UNC5D: variants seen among roughly 807,000 people sequenced by gnomAD.
The protein encoded by UNC5D is netrin receptor UNC5D.
A neutral mutation model predicts 105.4 loss-of-function variants in UNC5D; 39 were observed. That is an observed-to-expected ratio of 0.37 (90% CI 0.29 to 0.48). UNC5D has a LOEUF of 0.48. Among genes scored for constraint, UNC5D ranks in the 20% least tolerant of loss-of-function variants. UNC5D has a pLI of 0.98. For missense variants in UNC5D, 991 were observed against 1,202.4 expected (o/e 0.82, Z 2.60); for synonymous variants, 452 against 450.4 (o/e 1.00, Z -0.04).
At chr8:35,492,404 A>G (rs1234692866) in intron 1 of UNC5D, among the ~76,000 whole-genome samples, 3 of 152,148 alleles carry the variant, frequency 2.0e-5, no homozygotes, top group Admixed American at 6.6e-5. Flanking sequence ...AGGGAAATAT[A>G]AAGTTGCTAC....
In UNC5D at chr8:35,500,949, AGG is replaced by A. The variant is rs202163197; in HGVS notation, c.104-48342_104-48341del. Among the ~76,000 whole-genome samples, 984 of 108,824 alleles carry A rather than the reference AGG, an allele frequency of 9.0e-3. 3 individuals carry two copies. Among genetic ancestry groups the A allele is most frequent in the Admixed American group, 0.012 (105 of 8,894 alleles). The allele number at this position is 108,824 out of a possible 152,430, so 71.4% of individuals were successfully genotyped here. ...ATTGTTAAAATTCAAAGGAAATAGGAGGAAAGTAGCATTTAGAGTACCATGAT... is the reference window on the plus strand; with the variant it reads ...ATTGTTAAAATTCAAAGGAAATAGGAAAAGTAGCATTTAGAGTACCATGAT... On this transcript the variant is annotated intron_variant, in intron 1 of 16. Coordinates refer to ENST00000404895, the MANE Select transcript of UNC5D (RefSeq NM_080872.4).
At chr8:35,688,232 G>A (rs868158519) in intron 7 of UNC5D, among the ~76,000 whole-genome samples, 13 of 148,538 alleles carry the variant, frequency 8.8e-5, no homozygotes, top group South Asian at 6.4e-4. Context: ...ATTTCTCTGG[G>A]AAATATCCAG....
chr8:35,705,615 C>T (rs888671955), intron 7 of UNC5D, among the ~76,000 whole-genome samples: 1 of 152,124 alleles, frequency 6.6e-6, no homozygotes, highest in African/African-American at 2.4e-5. Context: ...AATAGAGTGA[C>T]AGGCTGAAAG....
intron 3 of UNC5D, among the ~76,000 whole-genome samples, chr8:35,583,357 GTGTGTGTGTGTGTGCA>G (rs1818577324): frequency 6.6e-6 from 1 of 151,364 alleles, no homozygotes; most frequent in Non-Finnish European, 1.5e-5. Context: ...AATCTCTAAA[GTGTGTGTGTGTGTGCA>G]TGTGTGTGTG....
intron 4 of UNC5D, among the ~76,000 whole-genome samples, chr8:35,613,367 T>C (rs1820817791): frequency 6.6e-6 from 1 of 152,226 alleles, no homozygotes. Context: ...GAGCTACCGC[T>C]CCTGGCCTCA....
chr8:35,428,708 C>A (rs567285586), intron 1 of UNC5D, among the ~76,000 whole-genome samples: 1 of 152,132 alleles, frequency 6.6e-6, no homozygotes, highest in East Asian at 1.9e-4. Context: ...CCTTGACCAG[C>A]AAGGACTTAT....
At chr8:35,430,479 A>C (rs976992804) in intron 1 of UNC5D, among the ~76,000 whole-genome samples, 1 of 152,178 alleles carries the variant, frequency 6.6e-6, no homozygotes, top group Admixed American at 6.5e-5. Context: ...ATTAAACCCA[A>C]GAAAGGGGTC....
intron 8 of UNC5D, among the ~76,000 whole-genome samples, chr8:35,711,043 AT>A (rs1181757603): frequency 2.4e-5 from 3 of 124,692 alleles, no homozygotes; most frequent in African/African-American, 1.3e-4. Flanking sequence ...GGTTCACGCC[AT>A]TCTCCTGCCT....
intron 9 of UNC5D, chr8:35,724,110 A>T: frequency 2.9e-6 from 4 of 1,387,024 alleles, no homozygotes; most frequent in Non-Finnish European, 3.7e-6. Flanking sequence ...GCAGGTGAGA[A>T]GGGTGGATCC....
intron 4 of UNC5D, among the ~76,000 whole-genome samples, chr8:35,599,718 A>G (rs1486719741): frequency 6.6e-6 from 1 of 152,082 alleles, no homozygotes; most frequent in Non-Finnish European, 1.5e-5. Flanking sequence ...AAACATTCCT[A>G]CCTGCTTTTT....
intron 1 of UNC5D, among the ~76,000 whole-genome samples, chr8:35,513,556 G>A (rs1812915637): frequency 6.6e-6 from 1 of 152,112 alleles, no homozygotes; most frequent in South Asian, 2.1e-4. Flanking sequence ...GCTATTCTAA[G>A]TTGCAATTCT....
intron 1 of UNC5D, among the ~76,000 whole-genome samples, chr8:35,257,409 C>A (rs1410780652): frequency 1.3e-5 from 2 of 152,138 alleles, no homozygotes; most frequent in Non-Finnish European, 2.9e-5. Flanking sequence ...CACTGGTCTG[C>A]CAGCAGGCAC....
intron 3 of UNC5D, among the ~76,000 whole-genome samples, chr8:35,592,287 C>T (rs769444135): frequency 6.6e-6 from 1 of 152,114 alleles, no homozygotes; most frequent in Non-Finnish European, 1.5e-5. Context: ...TAGAAATTAT[C>T]TAAAAATATG....
intron 1 of UNC5D, among the ~76,000 whole-genome samples, chr8:35,409,995 A>G (rs1033042001): frequency 8.3e-6 from 1 of 120,932 alleles, no homozygotes; most frequent in Non-Finnish European, 1.7e-5. Flanking sequence ...TCCTTTCTCC[A>G]TTGAATTTCC....
At chr8:35,746,168 T>C (rs954641174) in intron 11 of UNC5D, among the ~76,000 whole-genome samples, 3 of 152,194 alleles carry the variant, frequency 2.0e-5, no homozygotes, top group African/African-American at 7.2e-5. Context: ...AAGTACAATC[T>C]GGTCACTGAG....
chr8:35,406,571 C>A (rs1046092830), intron 1 of UNC5D, among the ~76,000 whole-genome samples: 1 of 152,082 alleles, frequency 6.6e-6, no homozygotes, highest in Non-Finnish European at 1.5e-5. Context: ...AAGACAGTAC[C>A]AGCTTCAGCT....
chr8:35,726,639 C>A (rs1828894430), intron 10 of UNC5D, 110 bp downstream of exon 10: 1 of 1,488,334 alleles, frequency 6.7e-7, no homozygotes, highest in East Asian at 2.3e-5. Context: ...CCTCATCAGA[C>A]CTGCAAACAC....
intron 4 of UNC5D, among the ~76,000 whole-genome samples, chr8:35,672,801 C>T (rs1333316857): frequency 6.6e-6 from 1 of 152,072 alleles, no homozygotes; most frequent in African/African-American, 2.4e-5. Flanking sequence ...TGAGGATGTT[C>T]GCTTTCCCAG....
At chr8:35,289,763 A>G (rs1806897384) in intron 1 of UNC5D, among the ~76,000 whole-genome samples, 1 of 152,218 alleles carries the variant, frequency 6.6e-6, no homozygotes, top group Non-Finnish European at 1.5e-5. Flanking sequence ...AAGAAGACAT[A>G]TAAATGGCCA....
Sources: gnomAD v4.1 joint callset for allele counts (sites outside exome capture counted in the v4.1 genomes callset) on GRCh38, gnomAD v4.1.1 for gene constraint, MANE v1.5 for transcripts, NCBI Gene and HGNC (gene_info 2026-07-23, HGNC 2026-07-21) for gene names.